SAMM50: variants seen among roughly 807,000 people sequenced by gnomAD.
SAMM50 encodes the protein SAMM50 sorting and assembly machinery component, also known as sorting and assembly machinery component 50 homolog.
In SAMM50, 47 loss-of-function variants were observed where a neutral mutation model predicts 66.9. That is an observed-to-expected ratio of 0.70 (90% CI 0.56 to 0.90). SAMM50 has a LOEUF of 0.90. SAMM50 is among the 40% of genes least tolerant of loss of function. The pLI, the probability that SAMM50 is intolerant of heterozygous loss-of-function variation, is 0.00. For missense variants in SAMM50, 535 were observed against 595.3 expected (o/e 0.90, Z 1.05); for synonymous variants, 191 against 214.1 (o/e 0.89, Z 0.94).
At chr22:43,987,488 G>C (rs1174485143) in intron 12 of SAMM50, 1 of 152,412 alleles carries the variant, frequency 6.6e-6, no homozygotes, top group Non-Finnish European at 1.5e-5. Flanking sequence ...TGCTGTGAGA[G>C]GGTGGGGCAG....
intron 14 of SAMM50, 38 bp from the exon 15 acceptor site, chr22:43,996,300 G>C (rs1250184336): frequency 6.2e-7 from 1 of 1,612,550 alleles, no homozygotes; most frequent in Non-Finnish European, 8.5e-7. Flanking sequence ...CAGGGCTGGC[G>C]GAGCGGCCGC....
intron 1 of SAMM50, 55 bp from the exon 2 acceptor site, chr22:43,963,231 G>C (rs886246257): frequency 6.6e-6 from 7 of 1,067,832 alleles, no homozygotes; most frequent in Middle Eastern, 2.1e-4. Flanking sequence ...TCAAAGGTAA[G>C]TGTGTGTATA....
chr22:43,989,748 G>A (rs1001682793), intron 13 of SAMM50, among the ~76,000 whole-genome samples: 6 of 152,308 alleles, frequency 3.9e-5, no homozygotes, highest in East Asian at 3.9e-4. Flanking sequence ...TTGGTTGAGC[G>A]AATGAAGCAT....
At chr22:43,979,061 G>A (rs2050248988) in intron 10 of SAMM50, among the ~76,000 whole-genome samples, 2 of 152,112 alleles carry the variant, frequency 1.3e-5, no homozygotes, top group African/African-American at 4.8e-5. Flanking sequence ...TCGCCTGCTC[G>A]CCTGTTCTCA....
intron 12 of SAMM50, among the ~76,000 whole-genome samples, chr22:43,984,876 G>A (rs1236006629): frequency 1.3e-5 from 2 of 149,886 alleles, no homozygotes; most frequent in Non-Finnish European, 2.9e-5. Flanking sequence ...GTGATCCACC[G>A]GCCTTGGCCT....
intron 4 of SAMM50, 79 bp downstream of exon 4, chr22:43,968,897 T>C: frequency 2.0e-6 from 2 of 982,090 alleles, no homozygotes; most frequent in East Asian, 4.8e-5. Flanking sequence ...CAGATGCAGA[T>C]CTGGGCAGCA....
At chr22:43,982,283 T>C (rs143426398) in intron 11 of SAMM50, among the ~76,000 whole-genome samples, 4 of 152,238 alleles carry the variant, frequency 2.6e-5, no homozygotes, top group Non-Finnish European at 4.4e-5. Context: ...TGTAGAAGGA[T>C]GTCCATTGTA....
chr22:43,991,571 T>C (rs1347641567), intron 14 of SAMM50, among the ~76,000 whole-genome samples: 1 of 152,134 alleles, frequency 6.6e-6, no homozygotes, highest in Non-Finnish European at 1.5e-5. Flanking sequence ...CCCAGCTGCG[T>C]TGTGTAAATT....
At chr22:43,987,482 G>C (rs1031319856) in intron 12 of SAMM50, 2 of 152,442 alleles carry the variant, frequency 1.3e-5, no homozygotes, top group Non-Finnish European at 2.9e-5. Context: ...GGCCTGTGCT[G>C]TGAGAGGGTG....
chr22:43,994,474 G>T (rs2050342288), intron 14 of SAMM50, among the ~76,000 whole-genome samples: 1 of 152,166 alleles, frequency 6.6e-6, no homozygotes, highest in African/African-American at 2.4e-5. Flanking sequence ...GGGAGGTGGG[G>T]TGCAAGGCGC....
chr22:43,963,131 C>G, intron 1 of SAMM50, 155 bp from the exon 2 acceptor site: 1 of 497,788 alleles, frequency 2.0e-6, no homozygotes, highest in East Asian at 3.2e-5. Flanking sequence ...CTGACGGCAC[C>G]TTTTTACTCC....
chr22:43,976,316 C>T, intron 8 of SAMM50, 133 bp downstream of exon 8: 1 of 1,018,806 alleles, frequency 9.8e-7, no homozygotes. Flanking sequence ...GTGGCGGCCC[C>T]CACTCCCCGA....
At chr22:43,968,242 A>G (rs534928340) in intron 3 of SAMM50, among the ~76,000 whole-genome samples, 33 of 143,746 alleles carry the variant, frequency 2.3e-4, no homozygotes, top group South Asian at 2.1e-3. Context: ...AAAAAAAAAA[A>G]AAAAAGAAAA....
intron 4 of SAMM50, among the ~76,000 whole-genome samples, chr22:43,971,370 G>A (rs560330228): frequency 1.2e-4 from 19 of 152,256 alleles, no homozygotes; most frequent in African/African-American, 4.3e-4. Flanking sequence ...AGCCCAGCCC[G>A]CTCTGCACAA....
At chr22:43,989,330 G>T in intron 13 of SAMM50, 73 bp downstream of exon 13, 1 of 1,406,652 alleles carries the variant, frequency 7.1e-7, no homozygotes. Flanking sequence ...TACACAAAGA[G>T]GTGTCTGTCT....
rs777159871 is a variant in SAMM50 at position 43,963,303 on chromosome 22, A to G, written c.39A>G (p.Pro13=). The stretch of plus-strand genomic sequence containing the variant: ...CCTTTCAGAGTTTGGAGCCTCTTCC[A>G]TCAAGTGGACCTGATTTTGGAGGAT... ...TVHARSLEPL[P]SSGPDFGGLG... Residue 13 remains proline, a synonymous_variant, in exon 2 of 15, where the codon CCA becomes CCG. Transcript: ENST00000350028. 2 of 1,610,540 alleles carry G rather than the reference A, an allele frequency of 1.2e-6. No individual in the cohort carries two copies. The highest frequency in any genetic ancestry group is 1.1e-5 in the South Asian group (1 of 90,360).
chr22:43,987,280 C>A (rs1461550302), intron 12 of SAMM50: 1 of 152,104 alleles, frequency 6.6e-6, no homozygotes, highest in Non-Finnish European at 1.5e-5. Flanking sequence ...AACTGGAAAC[C>A]GAAATGCCCA....
intron 3 of SAMM50, among the ~76,000 whole-genome samples, chr22:43,965,048 C>T (rs1249463071): frequency 4.6e-5 from 7 of 151,950 alleles, no homozygotes; most frequent in East Asian, 3.9e-4. Flanking sequence ...CCTTTCTGCC[C>T]GTGGGACCAT....
chr22:43,976,109 C>G lies in SAMM50; in HGVS notation c.703C>G (p.Leu235Val), dbSNP rs752221535. Reference sequence around the variant, plus strand: ...CAAGTGGGAAGGCGTATGGCGAGAACTGGGCTGCCTCTCAAGGACGGCGTC... The same window carrying G: ...CAAGTGGGAAGGCGTATGGCGAGAAGTGGGCTGCCTCTCAAGGACGGCGTC... ...TVKWEGVWRELGCLSRTASFA... is the reference protein window; with the variant it reads ...TVKWEGVWREVGCLSRTASFA... Residue 235 changes from leucine (L) to valine (V), a missense_variant, in exon 8 of 15, where the codon CTG (leucine) becomes GTG (valine). Coordinates refer to ENST00000350028, the MANE Select transcript of SAMM50 (RefSeq NM_015380.5). 9 of 1,612,702 alleles carry G rather than the reference C, an allele frequency of 5.6e-6. No individual in the cohort carries two copies. The East Asian group carries it at 2.0e-4, about 36-fold the overall frequency.
Sources: gnomAD v4.1 joint callset for allele counts (sites outside exome capture counted in the v4.1 genomes callset) on GRCh38, gnomAD v4.1.1 for gene constraint, MANE v1.5 for transcripts, NCBI Gene and HGNC (gene_info 2026-07-23, HGNC 2026-07-21) for gene names.